The following DLEC1 variants were observed in gnomAD, a reference collection of about 807,000 sequenced individuals.
DLEC1 encodes the protein DLEC1 cilia and flagella associated protein.
Under a neutral mutation model 198.1 loss-of-function variants are expected in DLEC1, and 146 were observed. The observed-to-expected ratio is 0.74, with a 90% confidence interval of 0.64 to 0.85. DLEC1 has a LOEUF of 0.85. DLEC1 is among the 40% of genes least tolerant of loss of function. The pLI is 0.00. For missense variants in DLEC1, 2,233 were observed against 2,220.0 expected, an observed-to-expected ratio of 1.01 and a Z score of -0.12; for synonymous variants, 897 against 866.8, an observed-to-expected ratio of 1.03 and a Z score of -0.61.
At chr3:38,059,060 G>A (rs577162847) in intron 2 of DLEC1, among the ~76,000 whole-genome samples, 3 of 152,222 alleles carry the variant, frequency 2.0e-5, no homozygotes, top group African/African-American at 7.2e-5. Context: ...ACCCATAGAC[G>A]TTAATTATCA....
chr3:38,071,028 G>C (rs1402859206), intron 6 of DLEC1, among the ~76,000 whole-genome samples: 1 of 152,132 alleles, frequency 6.6e-6, no homozygotes, highest in African/African-American at 2.4e-5. Context: ...TGGAGAGAGA[G>C]AATGGGCGAT....
intron 1 of DLEC1, among the ~76,000 whole-genome samples, chr3:38,040,775 G>C (rs1360272758): frequency 6.6e-6 from 1 of 152,272 alleles, no homozygotes; most frequent in Non-Finnish European, 1.5e-5. Context: ...CCCATAAGTA[G>C]CCACTATACC....
chr3:38,042,480 A>C (rs1386931009), intron 1 of DLEC1, among the ~76,000 whole-genome samples: 3 of 151,126 alleles, frequency 2.0e-5, no homozygotes, highest in African/African-American at 7.3e-5. Context: ...ACACGAATTA[A>C]TTTTGTAATT....
In DLEC1 at chr3:38,121,765, C is replaced by T; in HGVS notation, c.5004C>T (p.Tyr1668=). The change falls in exon 35 of 37, where the codon TAC becomes TAT. Residue 1668 remains tyrosine, a synonymous_variant. Coordinates refer to ENST00000308059, the MANE Select transcript of DLEC1 (RefSeq NM_007335.4). ...YLMNLSGCRS[Y]WTMLMGQQEP... The stretch of plus-strand genomic sequence containing the variant: ...TGAACCTGAGCGGGTGCCGAAGCTA[C>T]TGGACTATGCTGATGGGTATGTCCT... 6.2e-7 allele frequency: 1 copy of T among 1,614,020 alleles called. No individual in the cohort carries two copies. Among genetic ancestry groups the T allele is most frequent in the Non-Finnish European group, 8.5e-7 (1 of 1,179,912 alleles).
At chr3:38,064,317 C>T (rs529703393) in intron 6 of DLEC1, among the ~76,000 whole-genome samples, 42 of 152,154 alleles carry the variant, frequency 2.8e-4, no homozygotes, top group East Asian at 2.1e-3. Context: ...TCAGAGAGCA[C>T]GGGGTTGGGG....
chr3:38,062,319 C>A lies in DLEC1; in HGVS notation c.824C>A (p.Thr275Lys), dbSNP rs756436066. 8 of 1,614,102 alleles carry A rather than the reference C, an allele frequency of 5.0e-6. No homozygotes were observed. Among genetic ancestry groups the A allele is most frequent in the Non-Finnish European group, 6.8e-6 (8 of 1,180,056 alleles). Reference protein sequence around the residue: ...DELDHTVDSLTWNLTPKAKER... With the variant: ...DELDHTVDSLKWNLTPKAKER... ...TTAGACCACACTGTGGACAGCCTGACATGGAATTTAACTCCTAAGGCCAAA... is the reference window on the plus strand; with the variant it reads ...TTAGACCACACTGTGGACAGCCTGAAATGGAATTTAACTCCTAAGGCCAAA... The change falls in exon 4 of 37, where the codon ACA becomes AAA. Residue 275 changes from threonine (T) to lysine (K), a missense_variant. Thr to Lys is a moderately conservative substitution (Grantham distance 78). Transcript: ENST00000308059.
At chr3:38,096,480 A>G in intron 14 of DLEC1, 89 bp from the exon 15 acceptor site, 1 of 1,466,534 alleles carries the variant, frequency 6.8e-7, no homozygotes, top group South Asian at 1.4e-5. Context: ...TTTTTTTTTC[A>G]CAAGGCCAAA....
chr3:38,082,388 C>T lies in DLEC1; in HGVS notation c.1174-1770C>T, dbSNP rs1464111135. ...GCAGAGACACTCCTCACTTCCCAGACGGGGTGGCGGCCGGGCAGAGGCTGC... is the reference window on the plus strand; with the variant it reads ...GCAGAGACACTCCTCACTTCCCAGATGGGGTGGCGGCCGGGCAGAGGCTGC... On this transcript the variant is annotated intron_variant, in intron 6 of 36. Coordinates refer to ENST00000308059, the MANE Select transcript of DLEC1 (RefSeq NM_007335.4). 4.7e-5 allele frequency among the ~76,000 whole-genome samples: 7 copies of T among 147,886 alleles called. No homozygotes were observed. The East Asian group carries it at 6.3e-4, about 13-fold the overall frequency.
chr3:38,057,746 G>A (rs1696450802), intron 2 of DLEC1, among the ~76,000 whole-genome samples: 1 of 152,082 alleles, frequency 6.6e-6, no homozygotes, highest in Non-Finnish European at 1.5e-5. Flanking sequence ...GATCTTTCTA[G>A]AGTGGGACAT....
Position 38,052,311 on chromosome 3 carries a change from C to T in DLEC1, c.562+6618C>T, listed in dbSNP as rs114832570. On this transcript the variant is annotated intron_variant, in intron 2 of 36. Coordinates refer to ENST00000308059, the MANE Select transcript of DLEC1 (RefSeq NM_007335.4). ...AGAGCAGGCTGGGACCACACCGGGA[C>T]CACGAGTACCTGCACAGCAAGCTCT... 9.4e-3 allele frequency: 3,826 copies of T among 405,712 alleles called. 140 individuals are homozygous for T. Among genetic ancestry groups the T allele is most frequent in the African/African-American group, 0.073 (3,548 of 48,300 alleles). The allele number at this position is 405,712 out of a possible 1,614,324, so 25.1% of individuals were successfully genotyped here.
At chr3:38,117,350 C>T (rs1700232111) in intron 31 of DLEC1, 48 bp downstream of exon 31, 1 of 1,607,604 alleles carries the variant, frequency 6.2e-7, no homozygotes, top group South Asian at 1.1e-5. Flanking sequence ...ATGGGGTGCA[C>T]CCTCACCAGG....
Position 38,117,101 on chromosome 3 carries a change from G to A in DLEC1, c.4305+1G>A, listed in dbSNP as rs1424611050. 2 of 1,614,072 alleles carry A rather than the reference G, an allele frequency of 1.2e-6. No homozygotes were observed. The highest frequency in any genetic ancestry group is 1.1e-5 in the South Asian group (1 of 91,088). On this transcript the variant is annotated splice_donor_variant, in intron 30 of 36. Transcript: ENST00000308059. LOFTEE classifies it high-confidence loss of function. The stretch of plus-strand genomic sequence containing the variant: ...GGGTTTCATGAGCTTGGACAGCAAG[G>A]TGAGCTCTTCCGGCCTGGGGTGGGG...
intron 12 of DLEC1, among the ~76,000 whole-genome samples, chr3:38,094,080 A>T (rs1438395763): frequency 6.6e-6 from 1 of 152,196 alleles, no homozygotes; most frequent in Non-Finnish European, 1.5e-5. Flanking sequence ...TCAGGAAGTT[A>T]TGTTAGATAG....
chr3:38,071,640 T>C (rs1055406854), intron 6 of DLEC1, among the ~76,000 whole-genome samples: 1 of 152,242 alleles, frequency 6.6e-6, no homozygotes, highest in Non-Finnish European at 1.5e-5. Flanking sequence ...TCTAGCCACC[T>C]TATCAGCATA....
intron 7 of DLEC1, 68 bp downstream of exon 7, chr3:38,084,313 T>C: frequency 7.1e-7 from 1 of 1,408,776 alleles, no homozygotes; most frequent in African/African-American, 1.4e-5. Flanking sequence ...GTAGTAATAG[T>C]AGTAGTGGTG....
chr3:38,044,939 AAAG>A (rs1234954249), intron 1 of DLEC1, among the ~76,000 whole-genome samples: 18 of 152,294 alleles, frequency 1.2e-4, no homozygotes, highest in African/African-American at 4.3e-4. Flanking sequence ...GAGGGGAATG[AAAG>A]AAGGAGTGAG....
At chr3:38,059,018 A>C (rs993986913) in intron 2 of DLEC1, among the ~76,000 whole-genome samples, 1 of 152,192 alleles carries the variant, frequency 6.6e-6, no homozygotes. Context: ...TATATAAATA[A>C]TAATGTGTTT....
In DLEC1 at chr3:38,063,895, T is replaced by C; in HGVS notation, c.1149T>C (p.Asp383=). 1 of 1,613,356 alleles carries C rather than the reference T, an allele frequency of 6.2e-7. No homozygotes were observed. The highest frequency in any genetic ancestry group is 1.7e-4 in the Middle Eastern group (1 of 6,054). Residue 383 remains aspartate, a synonymous_variant, in exon 6 of 37, where the codon GAT becomes GAC. Transcript: ENST00000308059. ...LAKPPIGFFT[D]YEIGPVYEMV... ...AGCCACCAATTGGGTTTTTCACAGA[T>C]TATGAAATTGGTCCAGTTTATGAGG...
At chr3:38,091,533 G>A (rs756577821) in intron 10 of DLEC1, among the ~76,000 whole-genome samples, 16 of 152,130 alleles carry the variant, frequency 1.1e-4, no homozygotes, top group African/African-American at 3.9e-4. Context: ...TACCTCAAAC[G>A]AAAAAGCTTC....
Sources: gnomAD v4.1 joint callset for allele counts (sites outside exome capture counted in the v4.1 genomes callset) on GRCh38, gnomAD v4.1.1 for gene constraint, MANE v1.5 for transcripts, NCBI Gene and HGNC (gene_info 2026-07-23, HGNC 2026-07-21) for gene names.